The following KIF25 variants were observed in gnomAD, a reference collection of about 807,000 sequenced individuals.
KIF25 encodes kinesin-like protein KIF25.
A neutral mutation model predicts 32.9 loss-of-function variants in KIF25; 19 were observed. That is an observed-to-expected ratio of 0.58 (90% confidence interval 0.40 to 0.85). KIF25 has a LOEUF of 0.85. Ranked by LOEUF, KIF25 falls within the 40% of genes least tolerant of loss-of-function variation. The pLI is 0.00. For missense variants in KIF25, 485 were observed against 507.0 expected (o/e 0.96, Z 0.42); for synonymous variants, 225 against 213.7 (o/e 1.05, Z -0.46).
intron 5 of KIF25, among the ~76,000 whole-genome samples, chr6:168,021,136 C>T (rs1025800263): frequency 4.6e-5 from 7 of 152,270 alleles, no homozygotes; most frequent in South Asian, 2.1e-4. Context: ...ATCAATGGAA[C>T]GGAGAAGAGT....
At position 168,010,549 on chromosome 6, in the gene KIF25, G is replaced by A. The variant is rs530087334; in HGVS notation, c.-163+6846G>A. ...GGCTTGTTTTGTGTCCTAACATGTGGTCAATCCTGAAGAATGTTCCATTTG... is the reference window on the plus strand; with the variant it reads ...GGCTTGTTTTGTGTCCTAACATGTGATCAATCCTGAAGAATGTTCCATTTG... On this transcript the variant is annotated intron_variant, in intron 4 of 12. Transcript: ENST00000643607. Among the ~76,000 whole-genome samples, 9 of 152,268 alleles carry A rather than the reference G, an allele frequency of 5.9e-5. 1 individual carries two copies. The South Asian group carries it at 1.9e-3, about 32-fold the overall frequency.
intron 8 of KIF25, chr6:168,036,160 G>A (rs9364387): frequency 0.08 from 14,179 of 176,266 alleles, 806 homozygotes; most frequent in East Asian, 0.22. Flanking sequence ...CCTTGGCTCT[G>A]CACGCCTCTC....
rs1367392111 is a variant in KIF25, at chr6:167,997,851, G to A, written c.-1618G>A. Among the ~76,000 whole-genome samples, 3 of 152,142 alleles carry A rather than the reference G, an allele frequency of 2.0e-5. No homozygotes were observed. The highest frequency in any genetic ancestry group is 4.8e-5 in the African/African-American group (2 of 41,410). On this transcript the variant is annotated 5_prime_UTR_variant, in exon 1 of 13. Transcript: ENST00000643607. ...TGGCCAGTTTCTCCGAATTCCACCTGCCCGAGGCCCACGAAGCCAGTGTTC... is the reference window on the plus strand; with the variant it reads ...TGGCCAGTTTCTCCGAATTCCACCTACCCGAGGCCCACGAAGCCAGTGTTC...
chr6:168,011,281 A>G lies in KIF25; in HGVS notation c.-162-6692A>G, dbSNP rs1024814178. ...TTGGTATCTTCTTTTTGCATTGGCT[A>G]TACAAGTGACTTTTATAGTTTTGTA... On this transcript the variant is annotated intron_variant, in intron 4 of 12. Transcript: ENST00000643607. Among the ~76,000 whole-genome samples, 14 of 152,250 alleles carry G rather than the reference A, an allele frequency of 9.2e-5. No homozygotes were observed. In the South Asian group the frequency reaches 1.2e-3, roughly 14 times the overall value.
intron 8 of KIF25, among the ~76,000 whole-genome samples, chr6:168,034,775 G>A (rs1440841186): frequency 6.6e-6 from 1 of 152,126 alleles, no homozygotes; most frequent in African/African-American, 2.4e-5. Context: ...AGATGCTCCC[G>A]ACCCGTTAGC....
At chr6:168,006,369 T>C (rs915290436) in intron 4 of KIF25, among the ~76,000 whole-genome samples, 1 of 152,194 alleles carries the variant, frequency 6.6e-6, no homozygotes, top group Non-Finnish European at 1.5e-5. Context: ...GTTCTTATCA[T>C]TTAAAAATGC....
At chr6:168,011,587 G>A (rs1356988973) in intron 4 of KIF25, among the ~76,000 whole-genome samples, 1 of 152,164 alleles carries the variant, frequency 6.6e-6, no homozygotes, top group Non-Finnish European at 1.5e-5. Context: ...GGACTTATAT[G>A]TGACTTAATG....
At chr6:168,005,007 CTTT>C (rs1798559811) in intron 4 of KIF25, among the ~76,000 whole-genome samples, 1 of 152,190 alleles carries the variant, frequency 6.6e-6, no homozygotes, top group African/African-American at 2.4e-5. Flanking sequence ...CTAGTAATAA[CTTT>C]TGTTTTTAAA....
intron 5 of KIF25, 23 bp from the exon 6 acceptor site, chr6:168,029,469 T>C: frequency 6.7e-7 from 1 of 1,488,130 alleles, no homozygotes; most frequent in East Asian, 2.3e-5. Flanking sequence ...ACTGTTACGT[T>C]TTCAAGTCAT....
At chr6:168,041,394 C>T (rs972560202) in intron 10 of KIF25, among the ~76,000 whole-genome samples, 1 of 152,118 alleles carries the variant, frequency 6.6e-6, no homozygotes, top group Non-Finnish European at 1.5e-5. Context: ...ACAATCTCTA[C>T]CAAAAACGCT....
chr6:168,026,033 G>A (rs1562386912), intron 5 of KIF25, among the ~76,000 whole-genome samples: 1 of 152,184 alleles, frequency 6.6e-6, no homozygotes, highest in African/African-American at 2.4e-5. Context: ...GTCGTCCCAG[G>A]AGGACCTGAA....
intron 4 of KIF25, among the ~76,000 whole-genome samples, chr6:168,009,629 A>C (rs1798623234): frequency 6.6e-6 from 1 of 152,072 alleles, no homozygotes; most frequent in African/African-American, 2.4e-5. Context: ...TTTTTTTTGC[A>C]ATAGTTTCAG....
intron 4 of KIF25, among the ~76,000 whole-genome samples, chr6:168,014,559 C>A (rs540829571): frequency 1.3e-5 from 2 of 152,278 alleles, no homozygotes; most frequent in South Asian, 2.1e-4. Context: ...GCAAATGATC[C>A]GTTTTGTGAC....
At chr6:168,041,397 A>G (rs1172760214) in intron 10 of KIF25, among the ~76,000 whole-genome samples, 2 of 152,102 alleles carry the variant, frequency 1.3e-5, no homozygotes, top group Non-Finnish European at 2.9e-5. Context: ...ATCTCTACCA[A>G]AAACGCTCCC....
At position 168,034,636 on chromosome 6, in the gene KIF25, G is replaced by A. The variant is rs183792057; in HGVS notation, c.317+605G>A. Reference sequence around the variant, plus strand: ...GTGGAGGTGGGGGATGGTGAGGGATGGAGGTTTTCTGTCCTGGAATGGGAA... The same window carrying A: ...GTGGAGGTGGGGGATGGTGAGGGATAGAGGTTTTCTGTCCTGGAATGGGAA... On this transcript the variant is annotated intron_variant, in intron 8 of 12. Transcript: ENST00000643607. Among the ~76,000 whole-genome samples, 591 of 152,258 alleles carry A rather than the reference G, an allele frequency of 3.9e-3. 3 individuals carry two copies. The highest frequency in any genetic ancestry group is 6.5e-3 in the Non-Finnish European group (442 of 67,998).
chr6:168,029,804 G>T (rs1583139490), intron 6 of KIF25, 127 bp downstream of exon 6: 1 of 1,234,704 alleles, frequency 8.1e-7, no homozygotes, highest in East Asian at 2.5e-5. Context: ...AGTTAAAAAA[G>T]ATCTCAGCCC....
At chr6:168,008,093 G>A (rs968411624) in intron 4 of KIF25, among the ~76,000 whole-genome samples, 3 of 152,148 alleles carry the variant, frequency 2.0e-5, no homozygotes, top group African/African-American at 7.2e-5. Context: ...AATACTGTAT[G>A]GATTTGGCCT....
chr6:168,015,710 G>C (rs1798703730), intron 4 of KIF25, among the ~76,000 whole-genome samples: 1 of 152,202 alleles, frequency 6.6e-6, no homozygotes, highest in African/African-American at 2.4e-5. Flanking sequence ...ATCATGAGTG[G>C]GGAGGGTTTT....
chr6:168,034,692 G>GC (rs1798991346), intron 8 of KIF25, among the ~76,000 whole-genome samples: 1 of 152,122 alleles, frequency 6.6e-6, no homozygotes, highest in African/African-American at 2.4e-5. Context: ...TCCTTCCGTC[G>GC]CCCTTCCTCC....
Sources: allele counts gnomAD v4.1 joint callset (sites outside exome capture counted in the v4.1 genomes callset), GRCh38; gene constraint gnomAD v4.1.1; transcripts MANE v1.5; gene names NCBI Gene and HGNC (gene_info 2026-07-23, HGNC 2026-07-21).